Variants in RXFP2 observed in about 807,000 individuals in gnomAD.
RXFP2 encodes the protein relaxin receptor 2.
In RXFP2, 68 loss-of-function variants were observed where a neutral mutation model predicts 88.6. The ratio of observed to expected loss-of-function variants is 0.77; its 90% CI spans 0.63 to 0.94. The LOEUF (loss-of-function observed/expected upper bound fraction) is 0.94, where lower values mean the gene tolerates loss of function less well. Among genes scored for constraint, RXFP2 ranks in the 40% least tolerant of loss-of-function variants. RXFP2 has a pLI of 0.00. For missense variants in RXFP2, 791 were observed against 893.9 expected, an observed-to-expected ratio of 0.88 and a Z score of 1.47; for synonymous variants, 329 against 306.8, an observed-to-expected ratio of 1.07 and a Z score of -0.76.
At chr13:31,741,664 G>A (rs73161396) in intron 1 of RXFP2, among the ~76,000 whole-genome samples, 6,368 of 152,170 alleles carry the variant, frequency 0.042, 159 homozygotes, top group Middle Eastern at 0.075. Context: ...GAGTGCCTAA[G>A]GAATGAGTGA....
chr13:31,745,319 T>C (rs1252369162), intron 1 of RXFP2, among the ~76,000 whole-genome samples: 3 of 152,026 alleles, frequency 2.0e-5, no homozygotes, highest in African/African-American at 7.3e-5. Context: ...GCCCAGGGAG[T>C]GTTCAGGTCT....
At chr13:31,789,375 C>T (rs1026026693) in intron 14 of RXFP2, among the ~76,000 whole-genome samples, 182 bp downstream of exon 14, 1 of 152,204 alleles carries the variant, frequency 6.6e-6, no homozygotes, top group Non-Finnish European at 1.5e-5. Flanking sequence ...GATGTGCCGA[C>T]ATGAATGACC....
intron 2 of RXFP2, among the ~76,000 whole-genome samples, chr13:31,761,142 G>C (rs1037400494): frequency 2.3e-4 from 35 of 151,972 alleles, no homozygotes; most frequent in African/African-American, 8.2e-4. Flanking sequence ...TTTGTAAAGA[G>C]AGGGTCTCCC....
Position 31,758,284 on chromosome 13 carries a change from A to T in RXFP2, c.121A>T (p.Ile41Phe), listed in dbSNP as rs1281775029. 6.2e-7 allele frequency: 1 copy of T among 1,613,990 alleles called. No individual in the cohort carries two copies. Among genetic ancestry groups the T allele is most frequent in the Non-Finnish European group, 8.5e-7 (1 of 1,179,996 alleles). Residue 41 changes from isoleucine (I) to phenylalanine (F), a missense_variant, in exon 2 of 18, where the codon ATC becomes TTC. Physicochemically the swap from Ile to Phe is conservative, Grantham distance 21. Transcript: ENST00000298386. ...KDFALTQGSM[I>F]TPSCQKGYFP... Reference sequence around the variant, plus strand: ...TTTTGCACTGACTCAAGGTAGCATGATCACTCCTTCATGCCAAAAAGGATA... The same window carrying T: ...TTTTGCACTGACTCAAGGTAGCATGTTCACTCCTTCATGCCAAAAAGGATA...
intron 3 of RXFP2, 147 bp downstream of exon 3, chr13:31,761,948 C>G (rs2138411239): frequency 1.6e-6 from 1 of 625,746 alleles, no homozygotes. Flanking sequence ...CTGCTGTCTG[C>G]CTGTGATTGG....
At chr13:31,784,262 G>T (rs1459846448) in intron 11 of RXFP2, among the ~76,000 whole-genome samples, 1 of 152,130 alleles carries the variant, frequency 6.6e-6, no homozygotes, top group Non-Finnish European at 1.5e-5. Context: ...AGAGATGCCA[G>T]CTTGCTATTA....
At chr13:31,757,979 C>A (rs1253190505) in intron 1 of RXFP2, among the ~76,000 whole-genome samples, 3 of 152,090 alleles carry the variant, frequency 2.0e-5, no homozygotes, top group Non-Finnish European at 4.4e-5. Context: ...GTAATCTTGG[C>A]TACTCGGGAG....
rs962566176 is a variant in RXFP2, at chr13:31,794,394, A to G, written c.1786+1306A>G. ...CACACACACACACACACACACACAC[A>G]CACACACACACACACCATGACATGC... On this transcript the variant is annotated intron_variant, in intron 16 of 17. Coordinates refer to ENST00000298386, the MANE Select transcript of RXFP2 (RefSeq NM_130806.5). 3.3e-3 allele frequency among the ~76,000 whole-genome samples: 503 copies of G among 151,392 alleles called. 4 individuals are homozygous for G. Among genetic ancestry groups the G allele is most frequent in the African/African-American group, 0.011 (463 of 41,072 alleles).
intron 5 of RXFP2, among the ~76,000 whole-genome samples, chr13:31,771,700 G>A (rs1872740452): frequency 6.6e-6 from 1 of 151,690 alleles, no homozygotes; most frequent in African/African-American, 2.4e-5. Context: ...GGTGAGGCAG[G>A]AGAATCGCTT....
intron 5 of RXFP2, among the ~76,000 whole-genome samples, chr13:31,766,971 G>T (rs1872574876): frequency 6.6e-6 from 1 of 152,162 alleles, no homozygotes; most frequent in Non-Finnish European, 1.5e-5. Context: ...AAATTAGCAA[G>T]AGAATGCTGT....
rs1209116339 is a variant in RXFP2 at position 31,793,089 on chromosome 13, G to T, written c.1786+1G>T. The T allele has an allele frequency of 4.4e-6, 7 of 1,605,102 alleles. No individual in the cohort carries two copies. The highest frequency in any genetic ancestry group is 5.1e-6 in the Non-Finnish European group (6 of 1,173,110). On this transcript the variant is annotated splice_donor_variant, in intron 16 of 17. Coordinates refer to ENST00000298386, the MANE Select transcript of RXFP2 (RefSeq NM_130806.5). LOFTEE classifies it high-confidence loss of function. ...GGGTATTCTCTTGGAATTTTCCTAG[G>T]TAAATTATATTTTTTCATTTCCTGG...
intron 3 of RXFP2, among the ~76,000 whole-genome samples, chr13:31,763,346 A>G (rs1872392242): frequency 6.6e-6 from 1 of 151,898 alleles, no homozygotes; most frequent in Non-Finnish European, 1.5e-5. Flanking sequence ...CAGCCCCCCA[A>G]AGTGTTGGGA....
At position 31,781,739 on chromosome 13, in the gene RXFP2, T is replaced by C. The variant is rs1275951525; in HGVS notation, c.854T>C (p.Val285Ala). Residue 285 changes from valine (V) to alanine (A), a missense_variant, in exon 10 of 18, where the codon GTG becomes GCG. Transcript: ENST00000298386. The stretch of plus-strand genomic sequence containing the variant: ...TTTCTGTCGTGCGATTCGCTCACAG[T>C]GCTGTAAGTATACAATGGACTTCAC... ...STFLSCDSLT[V>A]LFLPRNQIGF... The C allele has an allele frequency of 1.1e-5, 17 of 1,607,332 alleles. No individual in the cohort carries two copies. The highest frequency in any genetic ancestry group is 1.7e-5 in the Admixed American group (1 of 59,920).
At chr13:31,786,004 T>C (rs1425678332) in intron 11 of RXFP2, among the ~76,000 whole-genome samples, 2 of 152,148 alleles carry the variant, frequency 1.3e-5, no homozygotes, top group Non-Finnish European at 2.9e-5. Context: ...CCTCGAAAAG[T>C]GTAGTTGGAT....
intron 17 of RXFP2, among the ~76,000 whole-genome samples, chr13:31,798,554 C>G (rs1049894169): frequency 6.6e-6 from 1 of 152,198 alleles, no homozygotes; most frequent in Non-Finnish European, 1.5e-5. Context: ...GATGAACAGC[C>G]TCCAATCTAT....
At position 31,739,714 on chromosome 13, in the gene RXFP2, T is replaced by G; in HGVS notation, c.94+8T>G. The G allele has an allele frequency of 6.4e-7, 1 of 1,563,796 alleles. No homozygotes were observed. The highest frequency in any genetic ancestry group is 8.8e-7 in the Non-Finnish European group (1 of 1,134,204). On this transcript the variant is annotated splice_region_variant and intron_variant, in intron 1 of 17. Coordinates refer to ENST00000298386, the MANE Select transcript of RXFP2 (RefSeq NM_130806.5). The stretch of plus-strand genomic sequence containing the variant: ...TTCTGATCAATGTCAAAGGTAAGGT[T>G]GCTACTTTCTCGTTTTAAATGAGTG...
At chr13:31,786,540 C>T in intron 12 of RXFP2, 26 bp from the exon 13 acceptor site, 1 of 1,526,194 alleles carries the variant, frequency 6.6e-7, no homozygotes, top group South Asian at 1.1e-5. Context: ...TTCTTTTCCT[C>T]TCTCATCTAA....
intron 1 of RXFP2, among the ~76,000 whole-genome samples, chr13:31,756,048 A>G (rs1364127209): frequency 6.7e-6 from 1 of 149,372 alleles, no homozygotes; most frequent in East Asian, 2.0e-4. Context: ...TCAGGACTAA[A>G]TGACTCAAGC....
At chr13:31,784,939 A>T (rs1168121369) in intron 11 of RXFP2, among the ~76,000 whole-genome samples, 1 of 152,164 alleles carries the variant, frequency 6.6e-6, no homozygotes, top group East Asian at 1.9e-4. Flanking sequence ...CCCAACTCCC[A>T]GGCCTTGTTG....
Sources: allele counts gnomAD v4.1 joint callset (sites outside exome capture counted in the v4.1 genomes callset), GRCh38; gene constraint gnomAD v4.1.1; transcripts MANE v1.5; gene names NCBI Gene and HGNC (gene_info 2026-07-23, HGNC 2026-07-21).